Variants in FAM107B observed in about 807,000 individuals in gnomAD.
FAM107B encodes family with sequence similarity 107 member B, also known as protein FAM107B.
FAM107B carries 21 observed loss-of-function variants against 31.5 expected under a neutral mutation model. The ratio of observed to expected loss-of-function variants is 0.67; its 90% CI spans 0.47 to 0.96. The LOEUF (loss-of-function observed/expected upper bound fraction) is 0.96, where lower values mean the gene tolerates loss of function less well. Ranked by LOEUF, FAM107B falls within the 40% of genes least tolerant of loss-of-function variation. The probability of loss-of-function intolerance (pLI) is 0.00; values close to 1 mark genes in which losing one functional copy is unlikely to be tolerated. For synonymous variants in FAM107B, 157 were observed against 141.5 expected (o/e 1.11, Z -0.78); for missense variants, 452 against 377.1 (o/e 1.20, Z -1.64).
At chr10:14,710,340 G>A (rs960867440) in intron 1 of FAM107B, among the ~76,000 whole-genome samples, 3 of 151,970 alleles carry the variant, frequency 2.0e-5, no homozygotes, top group Non-Finnish European at 4.4e-5. Context: ...GAGCCCAGGA[G>A]GTTGAGGCTA....
intron 2 of FAM107B, among the ~76,000 whole-genome samples, chr10:14,643,923 C>T (rs938114678): frequency 3.3e-5 from 5 of 152,124 alleles, no homozygotes; most frequent in African/African-American, 9.7e-5. Flanking sequence ...TCCTCAAGAA[C>T]GCAATTTCAA....
At chr10:14,647,685 CAAAA>C (rs35141961) in intron 2 of FAM107B, among the ~76,000 whole-genome samples, 4 of 89,094 alleles carry the variant, frequency 4.5e-5, no homozygotes, top group Admixed American at 1.3e-4. Flanking sequence ...GACTCCATCT[CAAAA>C]AAAAAAAAAA....
intron 1 of FAM107B, among the ~76,000 whole-genome samples, chr10:14,772,659 C>T (rs1486861702): frequency 6.6e-6 from 1 of 152,094 alleles, no homozygotes; most frequent in African/African-American, 2.4e-5. Flanking sequence ...CCTGTTGTTC[C>T]TGTCTGGATT....
chr10:14,754,170 C>A (rs528509477), intron 1 of FAM107B, among the ~76,000 whole-genome samples: 2 of 152,132 alleles, frequency 1.3e-5, no homozygotes, highest in Non-Finnish European at 2.9e-5. Context: ...AACTCCTGAC[C>A]TCAGGTGATC....
rs532128200 is a variant in FAM107B at position 14,708,091 on chromosome 10, T to C, written c.412-40400A>G. 3.9e-5 allele frequency among the ~76,000 whole-genome samples: 6 copies of C among 152,130 alleles called. No homozygotes were observed. The East Asian group carries it at 1.2e-3, about 29-fold the overall frequency. Reference sequence around the variant, plus strand: ...TCACCTTAGGAGGACTGTCTTTTTTTTTTTAAGATAGGGTCTCACTCTGTT... The same window carrying C: ...TCACCTTAGGAGGACTGTCTTTTTTCTTTTAAGATAGGGTCTCACTCTGTT... On this transcript the variant is annotated intron_variant, in intron 1 of 4. Transcript: ENST00000181796.
rs533843960 is a variant in FAM107B at position 14,567,264 on chromosome 10, A to G, written c.470-36749T>C. On this transcript the variant is annotated intron_variant, in intron 2 of 4. Transcript: ENST00000181796. The stretch of plus-strand genomic sequence containing the variant: ...AGATTCCTCTTTCACTATAAACAGA[A>G]AAATGAGAAAAGTACAGGCCCAAGA... Among the ~76,000 whole-genome samples the G allele has an allele frequency of 8.4e-4, 128 of 152,328 alleles. No homozygotes were observed. In the Middle Eastern group the frequency reaches 0.01, roughly 12 times the overall value.
chr10:14,629,355 A>G (rs1490385687), intron 2 of FAM107B, among the ~76,000 whole-genome samples: 1 of 90,528 alleles, frequency 1.1e-5, no homozygotes, highest in Non-Finnish European at 2.0e-5. Flanking sequence ...TTATATATAT[A>G]ATATATATTA....
chr10:14,622,535 G>A (rs567666028), intron 2 of FAM107B, among the ~76,000 whole-genome samples: 10 of 152,234 alleles, frequency 6.6e-5, no homozygotes, highest in Admixed American at 2.0e-4. Flanking sequence ...TGGAACTCCT[G>A]ACCTCGTGAT....
At chr10:14,613,152 A>G (rs1273239398) in intron 2 of FAM107B, among the ~76,000 whole-genome samples, 1 of 152,072 alleles carries the variant, frequency 6.6e-6, no homozygotes, top group Non-Finnish European at 1.5e-5. Context: ...TTGTGTTTTT[A>G]GGAGAGACAA....
intron 1 of FAM107B, among the ~76,000 whole-genome samples, chr10:14,748,705 G>C (rs1411185915): frequency 2.6e-5 from 4 of 152,252 alleles, no homozygotes; most frequent in African/African-American, 9.6e-5. Flanking sequence ...ACCAGGCTGG[G>C]TCTGCAGCAG....
chr10:14,717,948 G>A (rs1430804851), intron 1 of FAM107B, among the ~76,000 whole-genome samples: 2 of 152,180 alleles, frequency 1.3e-5, no homozygotes, highest in Non-Finnish European at 2.9e-5. Context: ...TTCTGGAATA[G>A]GGGTTTTATG....
intron 1 of FAM107B, among the ~76,000 whole-genome samples, chr10:14,725,312 G>A (rs1465254518): frequency 6.6e-6 from 1 of 152,208 alleles, no homozygotes; most frequent in East Asian, 1.9e-4. Context: ...AAAGGGAAGG[G>A]AATGGAGAAA....
chr10:14,670,681 C>A (rs1457879324), intron 1 of FAM107B, among the ~76,000 whole-genome samples: 1 of 152,170 alleles, frequency 6.6e-6, no homozygotes, highest in East Asian at 1.9e-4. Flanking sequence ...CTTCTCCAAA[C>A]ATATTTATTA....
At chr10:14,732,302 T>C (rs1014315025) in intron 1 of FAM107B, among the ~76,000 whole-genome samples, 37 of 152,326 alleles carry the variant, frequency 2.4e-4, no homozygotes, top group African/African-American at 8.2e-4. Context: ...CTCCACTCTA[T>C]AAACCAGTTG....
At chr10:14,586,105 G>A (rs997043723) in intron 2 of FAM107B, among the ~76,000 whole-genome samples, 9 of 152,102 alleles carry the variant, frequency 5.9e-5, no homozygotes, top group East Asian at 1.9e-4. Flanking sequence ...CACTGAGTCC[G>A]CATCACTGTC....
chr10:14,615,634 C>A (rs1049402146), intron 2 of FAM107B, among the ~76,000 whole-genome samples: 3 of 152,228 alleles, frequency 2.0e-5, no homozygotes, highest in South Asian at 2.1e-4. Flanking sequence ...CCTTCCTTAA[C>A]TTTTATAACC....
chr10:14,677,062 A>G (rs1371245486), intron 1 of FAM107B, among the ~76,000 whole-genome samples: 2 of 152,000 alleles, frequency 1.3e-5, no homozygotes, highest in South Asian at 2.1e-4. Flanking sequence ...TTGTAGCCCA[A>G]TGCCTCCCTC....
intron 1 of FAM107B, among the ~76,000 whole-genome samples, chr10:14,715,957 A>T (rs1370181230): frequency 6.6e-6 from 1 of 152,192 alleles, no homozygotes; most frequent in Non-Finnish European, 1.5e-5. Context: ...CACGTGAGCC[A>T]ATTTCCATAA....
chr10:14,623,932 T>C (rs1433585870), intron 2 of FAM107B, among the ~76,000 whole-genome samples: 9 of 152,220 alleles, frequency 5.9e-5, no homozygotes, highest in Non-Finnish European at 8.8e-5. Flanking sequence ...CAAACTCATC[T>C]TTCTCAACGT....
Sources: gnomAD v4.1 joint callset for allele counts (sites outside exome capture counted in the v4.1 genomes callset) on GRCh38, gnomAD v4.1.1 for gene constraint, MANE v1.5 for transcripts, NCBI Gene and HGNC (gene_info 2026-07-23, HGNC 2026-07-21) for gene names.